SUGCT: variants seen among roughly 807,000 people sequenced by gnomAD.
The protein encoded by SUGCT is succinyl-CoA:glutarate CoA-transferase.
A neutral mutation model predicts 55.0 loss-of-function variants in SUGCT; 41 were observed. The observed-to-expected ratio is 0.74, with a 90% confidence interval of 0.58 to 0.97. The LOEUF (loss-of-function observed/expected upper bound fraction) is 0.97, where lower values mean the gene tolerates loss of function less well. Among genes scored for constraint, SUGCT ranks in the 50% least tolerant of loss-of-function variants. The pLI is 0.00. For missense variants in SUGCT, 568 were observed against 547.8 expected, an observed-to-expected ratio of 1.04 and a Z score of -0.37; for synonymous variants, 187 against 200.4, an observed-to-expected ratio of 0.93 and a Z score of 0.56.
At chr7:40,531,419 AT>A (rs537558240) in intron 12 of SUGCT, among the ~76,000 whole-genome samples, 50 of 148,374 alleles carry the variant, frequency 3.4e-4, no homozygotes, top group South Asian at 6.4e-4. Flanking sequence ...GAGTTATTGG[AT>A]TTTTTTTTTG....
intron 9 of SUGCT, among the ~76,000 whole-genome samples, chr7:40,408,791 C>A (rs1366594954): frequency 6.6e-6 from 1 of 152,096 alleles, no homozygotes; most frequent in African/African-American, 2.4e-5. Context: ...AAGTCATTTG[C>A]CCAAAGATAA....
intron 12 of SUGCT, among the ~76,000 whole-genome samples, chr7:40,653,341 T>C (rs1462660451): frequency 6.6e-6 from 1 of 152,244 alleles, no homozygotes; most frequent in Non-Finnish European, 1.5e-5. Context: ...ATTAGTTCTT[T>C]TCTTTAGTTC....
chr7:40,573,038 T>C (rs1796541126), intron 12 of SUGCT, among the ~76,000 whole-genome samples: 1 of 152,194 alleles, frequency 6.6e-6, no homozygotes, highest in Non-Finnish European at 1.5e-5. Flanking sequence ...TAAACACAAA[T>C]GTTCACTTTT....
chr7:40,911,814 G>T, the SUGCT span, among the ~76,000 whole-genome samples: 1 of 152,076 alleles, frequency 6.6e-6, no homozygotes, highest in Non-Finnish European at 1.5e-5. Context: ...AGTTTTCTTG[G>T]TCTTGTTTCT....
chr7:40,833,925 T>C (rs745549871), intron 13 of SUGCT, among the ~76,000 whole-genome samples: 57 of 152,214 alleles, frequency 3.7e-4, no homozygotes, highest in Non-Finnish European at 2.9e-5. Flanking sequence ...TGAAAATCAA[T>C]AGAACCATTA....
chr7:40,934,194 C>G, the SUGCT span, among the ~76,000 whole-genome samples: 1 of 152,152 alleles, frequency 6.6e-6, no homozygotes, highest in Non-Finnish European at 1.5e-5. Flanking sequence ...CAGTCAGGTC[C>G]CTCAGCTGCA....
At chr7:40,270,436 A>G (rs969100748) in intron 7 of SUGCT, among the ~76,000 whole-genome samples, 7 of 152,138 alleles carry the variant, frequency 4.6e-5, no homozygotes, top group Non-Finnish European at 8.8e-5. Context: ...CAATTTTTGT[A>G]TGTACTGCAA....
At chr7:40,500,590 T>C (rs1456832365) in intron 12 of SUGCT, among the ~76,000 whole-genome samples, 2 of 152,196 alleles carry the variant, frequency 1.3e-5, no homozygotes, top group African/African-American at 2.4e-5. Context: ...ATCTTTTGTA[T>C]GGGATGAATA....
chr7:40,558,075 C>T (rs1321073799), intron 12 of SUGCT, among the ~76,000 whole-genome samples: 1 of 150,932 alleles, frequency 6.6e-6, no homozygotes, highest in Non-Finnish European at 1.5e-5. Flanking sequence ...CTACTTCACA[C>T]TCATTGGGAT....
intron 12 of SUGCT, among the ~76,000 whole-genome samples, chr7:40,601,610 G>C (rs147677940): frequency 6.6e-6 from 1 of 152,300 alleles, no homozygotes; most frequent in Non-Finnish European, 1.5e-5. Flanking sequence ...GACAACAGCA[G>C]CTCTGCATGA....
the SUGCT span, among the ~76,000 whole-genome samples, chr7:40,929,317 C>T: frequency 6.6e-6 from 1 of 152,200 alleles, no homozygotes; most frequent in Non-Finnish European, 1.5e-5. Flanking sequence ...TTAATCCAGT[C>T]TATCATTGAT....
the SUGCT span, among the ~76,000 whole-genome samples, chr7:41,010,053 G>T: frequency 6.6e-6 from 1 of 152,220 alleles, no homozygotes; most frequent in African/African-American, 2.4e-5. Context: ...AATTCAGAGA[G>T]ATGGAGAGTT....
chr7:40,242,937 T>A (rs867375131), intron 7 of SUGCT, among the ~76,000 whole-genome samples: 209 of 42,308 alleles, frequency 4.9e-3, no homozygotes, highest in Middle Eastern at 9.3e-3. Flanking sequence ...ATATATATTT[T>A]TTTTTTTTTT....
At chr7:40,787,421 G>A (rs1790065877) in intron 13 of SUGCT, among the ~76,000 whole-genome samples, 1 of 151,830 alleles carries the variant, frequency 6.6e-6, no homozygotes, top group African/African-American at 2.4e-5. Context: ...GCTGGGTCTG[G>A]GTTTAGGGAC....
At chr7:40,250,695 GA>G (rs1173825344) in intron 7 of SUGCT, among the ~76,000 whole-genome samples, 1 of 152,006 alleles carries the variant, frequency 6.6e-6, no homozygotes, top group African/African-American at 2.4e-5. Context: ...ACAATTAATT[GA>G]AGTGAAATAG....
At chr7:40,348,141 G>T (rs987519651) in intron 9 of SUGCT, among the ~76,000 whole-genome samples, 2 of 152,238 alleles carry the variant, frequency 1.3e-5, no homozygotes, top group Non-Finnish European at 2.9e-5. Context: ...AGCAGCTAGC[G>T]CTGGAGCCCA....
chr7:40,661,215 A>T lies in SUGCT; in HGVS notation c.1090-88219A>T, dbSNP rs552012637. ...TGACCTCAATCTATAATTCTTAGAGATAATTGATAAAATTAGTCAATAACT... is the reference window on the plus strand; with the variant it reads ...TGACCTCAATCTATAATTCTTAGAGTTAATTGATAAAATTAGTCAATAACT... On this transcript the variant is annotated intron_variant, in intron 12 of 13. Coordinates refer to ENST00000335693, the MANE Select transcript of SUGCT (RefSeq NM_001193313.2). Among the ~76,000 whole-genome samples the T allele has an allele frequency of 1.2e-4, 19 of 152,318 alleles. No individual in the cohort carries two copies. In the East Asian group the frequency reaches 3.5e-3, roughly 28 times the overall value.
At chr7:40,287,166 G>A (rs1054956524) in intron 8 of SUGCT, among the ~76,000 whole-genome samples, 16 of 152,082 alleles carry the variant, frequency 1.1e-4, no homozygotes, top group Admixed American at 2.0e-4. Flanking sequence ...AGCATTGAGC[G>A]ATAGAACTTA....
intron 12 of SUGCT, among the ~76,000 whole-genome samples, chr7:40,576,694 C>T (rs1235168448): frequency 2.0e-5 from 3 of 152,124 alleles, no homozygotes; most frequent in Admixed American, 1.3e-4. Flanking sequence ...TTTATTAGAG[C>T]CATTGTTTTC....
Sources: gnomAD v4.1 joint callset for allele counts (sites outside exome capture counted in the v4.1 genomes callset) on GRCh38, gnomAD v4.1.1 for gene constraint, MANE v1.5 for transcripts, NCBI Gene and HGNC (gene_info 2026-07-23, HGNC 2026-07-21) for gene names.